ANO6: variants seen among roughly 807,000 people sequenced by gnomAD.
ANO6 encodes anoctamin 6, also known as anoctamin-6.
ANO6 carries 106 observed loss-of-function variants against 117.5 expected under a neutral mutation model. The ratio of observed to expected loss-of-function variants is 0.90; its 90% CI spans 0.77 to 1.06. The LOEUF (loss-of-function observed/expected upper bound fraction) is 1.06, where lower values mean the gene tolerates loss of function less well. ANO6 is among the 50% of genes least tolerant of loss of function. The pLI is 0.00. For missense variants in ANO6, 955 were observed against 1,121.1 expected (o/e 0.85, Z 2.12); for synonymous variants, 367 against 385.1 (o/e 0.95, Z 0.55).
In ANO6 at chr12:45,419,714, A is replaced by G. The variant is rs549905306; in HGVS notation, c.2218-1357A>G. Among the ~76,000 whole-genome samples the G allele has an allele frequency of 2.6e-5, 4 of 152,276 alleles. No individual in the cohort carries two copies. The South Asian group carries it at 8.3e-4, about 32-fold the overall frequency. The stretch of plus-strand genomic sequence containing the variant: ...TGACAATCATTTAGCTGTTTTATTC[A>G]CATAGAATTTGGTTTAAAGTAAAAA... On this transcript the variant is annotated intron_variant, in intron 17 of 19. Coordinates refer to ENST00000320560, the MANE Select transcript of ANO6 (RefSeq NM_001025356.3).
chr12:45,334,872 G>C (rs1483669178), intron 3 of ANO6, among the ~76,000 whole-genome samples: 3 of 151,950 alleles, frequency 2.0e-5, no homozygotes, highest in African/African-American at 7.2e-5. Flanking sequence ...GTTAGTAATT[G>C]CTGCTTTCTT....
intron 19 of ANO6, among the ~76,000 whole-genome samples, chr12:45,427,463 T>G (rs908547643): frequency 6.6e-6 from 1 of 152,200 alleles, no homozygotes; most frequent in Non-Finnish European, 1.5e-5. Context: ...TCTTCTGATA[T>G]CTGTAGGGCT....
At chr12:45,295,351 A>G (rs1428702178) in intron 1 of ANO6, among the ~76,000 whole-genome samples, 1 of 152,200 alleles carries the variant, frequency 6.6e-6, no homozygotes, top group Non-Finnish European at 1.5e-5. Flanking sequence ...ATCCTGTTAA[A>G]CTGAGGCCAG....
chr12:45,306,835 T>TG (rs1258736946), intron 2 of ANO6, among the ~76,000 whole-genome samples: 4 of 150,600 alleles, frequency 2.7e-5, no homozygotes, highest in African/African-American at 9.8e-5. Flanking sequence ...GTGTATGTGT[T>TG]GGGGGGGTGG....
In ANO6 at chr12:45,403,253, T is replaced by A; in HGVS notation, c.1782+12T>A. ...ACAGAAATGAAGAGGTATGAATATA[T>A]AATTGTATTATCTTGCCAGTTTAAG... is the stretch of plus-strand genomic sequence containing the variant. On this transcript the variant is annotated intron_variant, in intron 14 of 19. Coordinates refer to ENST00000320560, the MANE Select transcript of ANO6 (RefSeq NM_001025356.3). The A allele has an allele frequency of 6.2e-7, 1 of 1,612,678 alleles. No homozygotes were observed. The highest frequency in any genetic ancestry group is 1.1e-5 in the South Asian group (1 of 90,806).
chr12:45,230,031 G>A (rs1394701785), intron 1 of ANO6, among the ~76,000 whole-genome samples: 2 of 152,088 alleles, frequency 1.3e-5, no homozygotes, highest in South Asian at 4.1e-4. Context: ...TTAATATTGT[G>A]GGTAGTTGCT....
intron 19 of ANO6, among the ~76,000 whole-genome samples, chr12:45,439,038 A>G (rs1943740206): frequency 6.6e-6 from 1 of 152,252 alleles, no homozygotes. Context: ...AATGTTAAGA[A>G]TGACAGTTGC....
At chr12:45,411,943 A>C (rs902247184) in intron 16 of ANO6, among the ~76,000 whole-genome samples, 1 of 152,174 alleles carries the variant, frequency 6.6e-6, no homozygotes, top group African/African-American at 2.4e-5. Context: ...ATACTCATAA[A>C]CATTTAAGCA....
chr12:45,366,794 C>G (rs1054671827), intron 8 of ANO6, among the ~76,000 whole-genome samples: 14 of 152,232 alleles, frequency 9.2e-5, no homozygotes, highest in African/African-American at 2.6e-4. Flanking sequence ...CCCTATAAAT[C>G]TTAACATAGT....
chr12:45,368,324 C>T (rs1941736232), intron 9 of ANO6, among the ~76,000 whole-genome samples: 1 of 152,154 alleles, frequency 6.6e-6, no homozygotes. Context: ...AAGTATTTTC[C>T]TTAATTCAAT....
intron 5 of ANO6, 59 bp downstream of exon 5, chr12:45,348,374 G>C (rs1941197781): frequency 6.2e-7 from 1 of 1,605,442 alleles, no homozygotes; most frequent in African/African-American, 1.3e-5. Flanking sequence ...GCTGTTTTGT[G>C]GTTTGGTTGG....
chr12:45,401,685 G>A, intron 12 of ANO6, 110 bp from the exon 13 acceptor site: 1 of 919,092 alleles, frequency 1.1e-6, no homozygotes, highest in African/African-American at 1.6e-5. Context: ...TCACTTATGT[G>A]AGATTTACAT....
intron 2 of ANO6, among the ~76,000 whole-genome samples, chr12:45,327,186 T>TGGCAGTATC (rs1346890707): frequency 6.6e-6 from 1 of 152,134 alleles, no homozygotes; most frequent in African/African-American, 2.4e-5. Flanking sequence ...AAAGAGTATT[T>TGGCAGTATC]CATTTGGGCA....
At chr12:45,399,194 T>C (rs55931975) in intron 12 of ANO6, among the ~76,000 whole-genome samples, 30,947 of 151,172 alleles carry the variant, frequency 0.2, 4,286 homozygotes, top group Middle Eastern at 0.32. Context: ...TTTGTTTTTT[T>C]GTTTTGTTTT....
chr12:45,339,512 G>A lies in ANO6; in HGVS notation c.280-7510G>A, dbSNP rs1289332973. ...TCTTTTGTGATTTGATTTAAAAGTC[G>A]TATTTGGAAGTGAACTTCAGCTAAA... On this transcript the variant is annotated intron_variant, in intron 3 of 19. Coordinates refer to ENST00000320560, the MANE Select transcript of ANO6 (RefSeq NM_001025356.3). Among the ~76,000 whole-genome samples the A allele has an allele frequency of 4.6e-5, 7 of 152,002 alleles. 1 individual carries two copies. The South Asian group carries it at 8.3e-4, about 18-fold the overall frequency.
intron 1 of ANO6, among the ~76,000 whole-genome samples, chr12:45,283,173 A>T (rs1938799445): frequency 6.6e-6 from 1 of 152,336 alleles, no homozygotes; most frequent in Middle Eastern, 3.4e-3. Flanking sequence ...AATTAAGTAG[A>T]ATTTGTGAGG....
intron 8 of ANO6, among the ~76,000 whole-genome samples, chr12:45,361,528 A>T (rs1255638325): frequency 6.6e-6 from 1 of 151,936 alleles, no homozygotes; most frequent in African/African-American, 2.4e-5. Context: ...GGAGGACTTT[A>T]TTTTTTCTTA....
At chr12:45,234,309 A>G (rs1022598158) in intron 1 of ANO6, among the ~76,000 whole-genome samples, 1 of 152,162 alleles carries the variant, frequency 6.6e-6, no homozygotes, top group Non-Finnish European at 1.5e-5. Context: ...TGAGTGTGAC[A>G]CTGGTTCGGA....
chr12:45,220,689 G>A (rs989651341), intron 1 of ANO6, among the ~76,000 whole-genome samples: 1 of 152,180 alleles, frequency 6.6e-6, no homozygotes, highest in Non-Finnish European at 1.5e-5. Flanking sequence ...AAAACTTTTG[G>A]AATTTTCAAA....
Sources: gnomAD v4.1 joint callset for allele counts (sites outside exome capture counted in the v4.1 genomes callset) on GRCh38, gnomAD v4.1.1 for gene constraint, MANE v1.5 for transcripts, NCBI Gene and HGNC (gene_info 2026-07-23, HGNC 2026-07-21) for gene names.